IMMP2L: variants seen among roughly 807,000 people sequenced by gnomAD.
The protein encoded by IMMP2L is mitochondrial inner membrane protease subunit 2.
IMMP2L carries 18 observed loss-of-function variants against 19.3 expected under a neutral mutation model. That is an observed-to-expected ratio of 0.93 (90% CI 0.64 to 1.38). The LOEUF is 1.38. IMMP2L is among the 40% of genes most tolerant of loss of function. The probability of loss-of-function intolerance (pLI) is 0.00; values close to 1 mark genes in which losing one functional copy is unlikely to be tolerated. For synonymous variants in IMMP2L, 76 were observed against 73.0 expected (o/e 1.04, Z -0.21); for missense variants, 233 against 218.2 (o/e 1.07, Z -0.43).
chr7:111,095,785 T>C (rs1797337247), intron 3 of IMMP2L, among the ~76,000 whole-genome samples: 1 of 152,012 alleles, frequency 6.6e-6, no homozygotes, highest in South Asian at 2.1e-4. Context: ...GCACTTAACA[T>C]GTGCCCTTTT....
chr7:111,276,486 C>T (rs1307806450), intron 3 of IMMP2L, among the ~76,000 whole-genome samples: 1 of 151,916 alleles, frequency 6.6e-6, no homozygotes, highest in Non-Finnish European at 1.5e-5. Flanking sequence ...GAATTCCCTC[C>T]CCCTCAATTT....
intron 5 of IMMP2L, among the ~76,000 whole-genome samples, chr7:110,812,524 G>C (rs923460046): frequency 6.6e-6 from 1 of 152,040 alleles, no homozygotes; most frequent in African/African-American, 2.4e-5. Context: ...TATCTTCTAG[G>C]AGCTGGCATC....
At position 110,760,016 on chromosome 7, in the gene IMMP2L, C is replaced by T. The variant is rs1180550671; in HGVS notation, c.409-96295G>A. ...ACTTTCTGAGGAGAAAAAAAGCTTC[C>T]TTTTCTCCCCACAATGCCAGTTAAG... On this transcript the variant is annotated intron_variant, in intron 5 of 5. Coordinates refer to ENST00000405709, the MANE Select transcript of IMMP2L (RefSeq NM_032549.4). The surrounding 1 kb of genome is among the most constrained non-coding windows in gnomAD (Gnocchi z 4.2). 6.6e-6 allele frequency among the ~76,000 whole-genome samples: 1 copy of T among 152,072 alleles called. No homozygotes were observed. The highest frequency in any genetic ancestry group is 1.5e-5 in the Non-Finnish European group (1 of 68,008).
intron 2 of IMMP2L, among the ~76,000 whole-genome samples, chr7:111,512,623 T>C (rs886233197): frequency 6.6e-5 from 10 of 152,100 alleles, no homozygotes; most frequent in African/African-American, 2.4e-4. Flanking sequence ...TAAATTCATA[T>C]GGAACCACAA....
At chr7:111,260,840 C>T (rs1180409319) in intron 3 of IMMP2L, among the ~76,000 whole-genome samples, 1 of 151,892 alleles carries the variant, frequency 6.6e-6, no homozygotes, top group Non-Finnish European at 1.5e-5. Context: ...TCAAGCTTCC[C>T]ATTTGTGAAT....
chr7:111,403,088 G>A (rs2131430457), intron 3 of IMMP2L, among the ~76,000 whole-genome samples: 1 of 149,738 alleles, frequency 6.7e-6, no homozygotes, highest in South Asian at 2.1e-4. Context: ...CCGTGATATG[G>A]TTTGGCTCTG....
At chr7:111,322,862 T>G (rs1030375984) in intron 3 of IMMP2L, among the ~76,000 whole-genome samples, 8 of 151,814 alleles carry the variant, frequency 5.3e-5, no homozygotes, top group African/African-American at 1.9e-4. Context: ...AAATGAGGAA[T>G]GCATCTATAT....
chr7:110,840,476 G>T (rs1804959202), intron 5 of IMMP2L, among the ~76,000 whole-genome samples: 3 of 152,070 alleles, frequency 2.0e-5, no homozygotes, highest in African/African-American at 7.2e-5. Flanking sequence ...AATACATGTG[G>T]TTTAACCGAT....
At chr7:111,077,459 A>C (rs1406543523) in intron 3 of IMMP2L, among the ~76,000 whole-genome samples, 1 of 152,190 alleles carries the variant, frequency 6.6e-6, no homozygotes, top group Non-Finnish European at 1.5e-5. Flanking sequence ...TAGAAGTCTG[A>C]CTTAAATCCT....
intron 3 of IMMP2L, chr7:111,411,535 A>G (rs1196559371): frequency 4.9e-6 from 2 of 406,602 alleles, no homozygotes; most frequent in Non-Finnish European, 9.8e-6. Context: ...TAAAGTCCAG[A>G]GGTATCTACA....
At chr7:110,937,786 T>C (rs908399039) in intron 4 of IMMP2L, among the ~76,000 whole-genome samples, 2 of 152,214 alleles carry the variant, frequency 1.3e-5, no homozygotes, top group African/African-American at 4.8e-5. Flanking sequence ...AGGCATGTTA[T>C]GCTTTCACAG....
At chr7:111,303,825 A>G (rs2130069276) in intron 3 of IMMP2L, among the ~76,000 whole-genome samples, 1 of 152,172 alleles carries the variant, frequency 6.6e-6, no homozygotes, top group African/African-American at 2.4e-5. Context: ...GTGAGACCTC[A>G]TCATTTAATG....
At chr7:111,036,264 C>T (rs1791342527) in intron 3 of IMMP2L, among the ~76,000 whole-genome samples, 1 of 152,044 alleles carries the variant, frequency 6.6e-6, no homozygotes. Context: ...AACTGGGCCC[C>T]TTAATGACAA....
chr7:111,239,184 T>A (rs1230924896), intron 3 of IMMP2L, among the ~76,000 whole-genome samples: 1 of 151,938 alleles, frequency 6.6e-6, no homozygotes, highest in Non-Finnish European at 1.5e-5. Flanking sequence ...TGTTCAACAT[T>A]AGTTAATTTG....
intron 5 of IMMP2L, among the ~76,000 whole-genome samples, chr7:110,818,776 A>G (rs931270583): frequency 1.3e-5 from 2 of 152,040 alleles, no homozygotes; most frequent in African/African-American, 2.4e-5. Flanking sequence ...AATACTATGC[A>G]GCCATAAAAA....
At chr7:111,196,210 G>A (rs1809484545) in intron 3 of IMMP2L, among the ~76,000 whole-genome samples, 1 of 152,066 alleles carries the variant, frequency 6.6e-6, no homozygotes, top group Admixed American at 6.6e-5. Context: ...GGGACCTTAG[G>A]AAAAATCATG....
chr7:111,185,567 A>G (rs936122713), intron 3 of IMMP2L, among the ~76,000 whole-genome samples: 1 of 152,200 alleles, frequency 6.6e-6, no homozygotes, highest in African/African-American at 2.4e-5. Flanking sequence ...CCACAAAAAT[A>G]TATTATGTAA....
intron 5 of IMMP2L, among the ~76,000 whole-genome samples, chr7:110,716,726 G>A (rs1163131729): frequency 6.6e-6 from 1 of 152,112 alleles, no homozygotes; most frequent in African/African-American, 2.4e-5. Flanking sequence ...CTTAATCCCA[G>A]TATTTCTGGT....
chr7:111,302,462 A>G (rs1295227725), intron 3 of IMMP2L, among the ~76,000 whole-genome samples: 1 of 152,142 alleles, frequency 6.6e-6, no homozygotes, highest in Non-Finnish European at 1.5e-5. Context: ...TAACAAAAAC[A>G]CATCTATACA....
Sources: gnomAD v4.1 joint callset for allele counts (sites outside exome capture counted in the v4.1 genomes callset) on GRCh38, gnomAD v4.1.1 for gene constraint, Gnocchi (gnomAD v3.1) non-coding constraint, MANE v1.5 for transcripts, NCBI Gene and HGNC (gene_info 2026-07-23, HGNC 2026-07-21) for gene names.